WDR49: variants seen among roughly 807,000 people sequenced by gnomAD.
WDR49 encodes the protein cilia- and flagella-associated protein 337.
In WDR49, 107 loss-of-function variants were observed where a neutral mutation model predicts 119.5. The observed-to-expected ratio is 0.90, with a 90% CI of 0.77 to 1.05. The LOEUF (loss-of-function observed/expected upper bound fraction) is 1.05, where lower values mean the gene tolerates loss of function less well. Among genes scored for constraint, WDR49 ranks in the 50% least tolerant of loss-of-function variants. The pLI is 0.00. For missense variants in WDR49, 1,240 were observed against 1,220.5 expected (o/e 1.02, Z -0.24); for synonymous variants, 425 against 418.8 (o/e 1.01, Z -0.18).
intron 10 of WDR49, among the ~76,000 whole-genome samples, chr3:167,546,212 A>C (rs913686694): frequency 3.9e-5 from 6 of 151,960 alleles, no homozygotes; most frequent in Non-Finnish European, 7.4e-5. Flanking sequence ...TCAGAGAATT[A>C]ACACCAAAAG....
intron 7 of WDR49, among the ~76,000 whole-genome samples, chr3:167,581,049 T>C (rs1714504372): frequency 3.9e-5 from 6 of 152,124 alleles, no homozygotes; most frequent in Admixed American, 3.3e-4. Flanking sequence ...GCTTACTAAG[T>C]CAAGTCCATG....
At chr3:167,542,387 G>A (rs1219896910) in intron 10 of WDR49, among the ~76,000 whole-genome samples, 1 of 151,964 alleles carries the variant, frequency 6.6e-6, no homozygotes, top group East Asian at 1.9e-4. Flanking sequence ...TAAAATAGGT[G>A]AAAAAACAAG....
At chr3:167,638,742 T>C (rs1268985196) in intron 2 of WDR49, among the ~76,000 whole-genome samples, 4 of 151,628 alleles carry the variant, frequency 2.6e-5, no homozygotes, top group Non-Finnish European at 1.5e-5. Context: ...CAATAGATTT[T>C]AGTAGAATTT....
intron 7 of WDR49, among the ~76,000 whole-genome samples, chr3:167,591,240 C>A (rs1415817859): frequency 6.6e-6 from 1 of 151,896 alleles, no homozygotes; most frequent in East Asian, 1.9e-4. Flanking sequence ...TTATTGATGT[C>A]TAGTTTTAGT....
At chr3:167,553,551 T>G (rs1055173767) in intron 10 of WDR49, among the ~76,000 whole-genome samples, 14 of 152,244 alleles carry the variant, frequency 9.2e-5, no homozygotes, top group African/African-American at 3.1e-4. Flanking sequence ...TTTAAAAAAT[T>G]CCTTTTTGTT....
rs1455614579 is a variant in WDR49 at position 167,492,593 on chromosome 3, C to G, written c.3031+7560G>C. Among the ~76,000 whole-genome samples the G allele has an allele frequency of 3.9e-5, 6 of 152,046 alleles. No individual in the cohort carries two copies. In the South Asian group the frequency reaches 1.0e-3, roughly 26 times the overall value. ...GTATCAGGCACTGTGCTTAGGGCTT[C>G]ACATGGGTTATATCATTTAATGTTC... is the stretch of plus-strand genomic sequence containing the variant. On this transcript the variant is annotated intron_variant, in intron 18 of 18. Coordinates refer to ENST00000682715, the MANE Select transcript of WDR49 (RefSeq NM_001366157.1).
At chr3:167,560,308 T>C (rs927692944) in intron 8 of WDR49, 80 bp from the exon 9 acceptor site, 3 of 1,368,842 alleles carry the variant, frequency 2.2e-6, no homozygotes, top group African/African-American at 2.9e-5. Flanking sequence ...ATATCCAGCC[T>C]GTGCATTTCT....
chr3:167,639,494 T>A (rs1717780448), intron 2 of WDR49, among the ~76,000 whole-genome samples: 1 of 151,786 alleles, frequency 6.6e-6, no homozygotes, highest in African/African-American at 2.4e-5. Context: ...CAAAATCTGA[T>A]TTTCTTTAGG....
chr3:167,570,044 C>T (rs922725054), intron 8 of WDR49, among the ~76,000 whole-genome samples: 2 of 151,890 alleles, frequency 1.3e-5, no homozygotes, highest in African/African-American at 4.8e-5. Flanking sequence ...TCTTATGTTT[C>T]CATCAAGTGA....
At chr3:167,484,689 CA>C (rs11354730) in intron 18 of WDR49, among the ~76,000 whole-genome samples, 20,207 of 119,242 alleles carry the variant, frequency 0.17, 1,765 homozygotes, top group African/African-American at 0.32. Flanking sequence ...AGGATGATGG[CA>C]AAAAAAAAAA....
chr3:167,559,221 C>T (rs1339129245), intron 9 of WDR49, among the ~76,000 whole-genome samples: 1 of 152,128 alleles, frequency 6.6e-6, no homozygotes, highest in African/African-American at 2.4e-5. Context: ...TCCCCTACAG[C>T]TTAACTGAGT....
intron 18 of WDR49, among the ~76,000 whole-genome samples, chr3:167,488,058 C>T (rs1750990543): frequency 6.6e-6 from 1 of 151,444 alleles, no homozygotes; most frequent in African/African-American, 2.4e-5. Flanking sequence ...CATGTGTTAT[C>T]ACCATGCTAT....
intron 8 of WDR49, among the ~76,000 whole-genome samples, chr3:167,562,135 TG>T (rs1027267456): frequency 4.2e-4 from 64 of 152,238 alleles, no homozygotes; most frequent in African/African-American, 1.4e-3. Context: ...CAATTATCAT[TG>T]GGGGCCAATG....
At chr3:167,595,517 A>G (rs910624439) in intron 7 of WDR49, among the ~76,000 whole-genome samples, 1 of 152,234 alleles carries the variant, frequency 6.6e-6, no homozygotes, top group Non-Finnish European at 1.5e-5. Flanking sequence ...GTACCAAAAC[A>G]GAGATATAGA....
intron 16 of WDR49, among the ~76,000 whole-genome samples, chr3:167,511,246 A>G (rs919686348): frequency 1.3e-5 from 2 of 152,116 alleles, no homozygotes; most frequent in South Asian, 2.1e-4. Context: ...ACATTTTTCT[A>G]TACTATCTCA....
intron 16 of WDR49, among the ~76,000 whole-genome samples, chr3:167,521,131 A>G (rs1429741218): frequency 1.3e-5 from 2 of 152,012 alleles, no homozygotes; most frequent in Non-Finnish European, 2.9e-5. Flanking sequence ...AAAATGTTTG[A>G]GTTTCCTACA....
At chr3:167,521,850 C>G (rs116729920) in intron 16 of WDR49, among the ~76,000 whole-genome samples, 3,571 of 152,066 alleles carry the variant, frequency 0.023, 80 homozygotes, top group South Asian at 0.043. Context: ...CATAGAGAGA[C>G]GAGAAGCCTT....
intron 2 of WDR49, among the ~76,000 whole-genome samples, chr3:167,647,935 G>A (rs1718203303): frequency 6.6e-6 from 1 of 152,172 alleles, no homozygotes; most frequent in Non-Finnish European, 1.5e-5. Flanking sequence ...TTCCAAGTTA[G>A]CAGAGCACAG....
intron 10 of WDR49, among the ~76,000 whole-genome samples, chr3:167,546,051 T>G (rs1712176780): frequency 6.6e-6 from 1 of 151,864 alleles, no homozygotes; most frequent in Non-Finnish European, 1.5e-5. Flanking sequence ...TAAGTTTGGT[T>G]GAAAGATTAC....
Sources: gnomAD v4.1 joint callset for allele counts (sites outside exome capture counted in the v4.1 genomes callset) on GRCh38, gnomAD v4.1.1 for gene constraint, MANE v1.5 for transcripts, NCBI Gene and HGNC (gene_info 2026-07-23, HGNC 2026-07-21) for gene names.